The following FSD1L variants were observed in gnomAD, a reference collection of about 807,000 sequenced individuals.
The protein encoded by FSD1L is fibronectin type III and SPRY domain containing 1 like.
Under a neutral mutation model 71.6 loss-of-function variants are expected in FSD1L, and 45 were observed. That is an observed-to-expected ratio of 0.63 (90% confidence interval 0.49 to 0.81). The LOEUF is 0.81. Among genes scored for constraint, FSD1L ranks in the 30% least tolerant of loss-of-function variants. FSD1L has a pLI of 0.00. For synonymous variants in FSD1L, 197 were observed against 207.2 expected, an observed-to-expected ratio of 0.95 and a Z score of 0.42; for missense variants, 561 against 618.1, an observed-to-expected ratio of 0.91 and a Z score of 0.98.
chr9:105,523,728 A>G, intron 10 of FSD1L: 1 of 1,595,750 alleles, frequency 6.3e-7, no homozygotes, highest in Non-Finnish European at 8.6e-7. Flanking sequence ...AATGAAAAGA[A>G]GACAAGATGT....
chr9:105,533,023 T>C lies in FSD1L; in HGVS notation c.1026-1470T>C, dbSNP rs150252619. On this transcript the variant is annotated intron_variant, in intron 10 of 13. Transcript: ENST00000481272. Reference sequence around the variant, plus strand: ...GCCATCAGGGATTTCTAGTCTAGTATTGGTAGCTTATATTAAAATCTACTC... The same window carrying C: ...GCCATCAGGGATTTCTAGTCTAGTACTGGTAGCTTATATTAAAATCTACTC... Among the ~76,000 whole-genome samples, 1,215 of 152,320 alleles carry C rather than the reference T, an allele frequency of 8.0e-3. 11 individuals carry two copies. The highest frequency in any genetic ancestry group is 0.02 in the Middle Eastern group (6 of 294).
At chr9:105,545,171 T>C (rs1836907020) in intron 13 of FSD1L, among the ~76,000 whole-genome samples, 1 of 150,722 alleles carries the variant, frequency 6.6e-6, no homozygotes, top group South Asian at 2.1e-4. Flanking sequence ...TCCTAGGTAT[T>C]TTATTCTCTT....
intron 10 of FSD1L, among the ~76,000 whole-genome samples, chr9:105,533,964 C>T (rs1836096971): frequency 6.6e-6 from 1 of 152,048 alleles, no homozygotes; most frequent in Non-Finnish European, 1.5e-5. Context: ...CTCAGGTGAT[C>T]CTCCTGCCTT....
At chr9:105,479,311 G>A in intron 5 of FSD1L, 43 bp from the exon 6 acceptor site, 1 of 1,544,484 alleles carries the variant, frequency 6.5e-7, no homozygotes, top group Non-Finnish European at 8.8e-7. Context: ...TGCATGAAAA[G>A]CACTAACTTG....
At chr9:105,449,253 T>C (rs978632469) in intron 1 of FSD1L, among the ~76,000 whole-genome samples, 6 of 152,244 alleles carry the variant, frequency 3.9e-5, no homozygotes, top group African/African-American at 7.2e-5. Flanking sequence ...TAATGATGTG[T>C]TGAGCATTGA....
At chr9:105,488,022 C>T (rs1002293632) in intron 7 of FSD1L, among the ~76,000 whole-genome samples, 4 of 152,178 alleles carry the variant, frequency 2.6e-5, no homozygotes, top group African/African-American at 9.7e-5. Context: ...TACACTGACA[C>T]ATCATTATCA....
rs1363214176 is a variant in FSD1L at position 105,547,108 on chromosome 9, C to G, written c.*625C>G. The G allele has an allele frequency of 6.6e-6, 1 of 152,134 alleles. No homozygotes were observed. Among genetic ancestry groups the G allele is most frequent in the Non-Finnish European group, 1.5e-5 (1 of 67,938 alleles). The allele number at this position is 152,134 out of a possible 1,614,324, so 9.4% of individuals were successfully genotyped here. A position where few individuals can be genotyped will look rare whatever the true frequency, so the allele number is the denominator to read the frequency against. ...GATAAGAAATTTCTAGACACAACAGCTTAAAATCACCCAAATTTCAGTTCT... is the reference window on the plus strand; with the variant it reads ...GATAAGAAATTTCTAGACACAACAGGTTAAAATCACCCAAATTTCAGTTCT... On this transcript the variant is annotated 3_prime_UTR_variant, in exon 14 of 14. Transcript: ENST00000481272.
chr9:105,515,472 A>G (rs776347939), intron 10 of FSD1L, among the ~76,000 whole-genome samples: 11 of 152,148 alleles, frequency 7.2e-5, no homozygotes, highest in Non-Finnish European at 1.3e-4. Context: ...TGCATTTCCA[A>G]CTGGGGTACC....
At chr9:105,542,128 T>C (rs1403337183) in intron 13 of FSD1L, among the ~76,000 whole-genome samples, 1 of 152,200 alleles carries the variant, frequency 6.6e-6, no homozygotes, top group Non-Finnish European at 1.5e-5. Context: ...AGAGCAGTAA[T>C]AGAGTAGCTG....
At chr9:105,453,701 TAGAA>T (rs1414421407) in intron 1 of FSD1L, among the ~76,000 whole-genome samples, 3 of 152,150 alleles carry the variant, frequency 2.0e-5, no homozygotes, top group South Asian at 2.1e-4. Context: ...TTTTAAAAAT[TAGAA>T]AGATAGTGAA....
intron 4 of FSD1L, among the ~76,000 whole-genome samples, chr9:105,469,168 C>G (rs1244225642): frequency 6.6e-6 from 1 of 152,138 alleles, no homozygotes; most frequent in African/African-American, 2.4e-5. Context: ...ATTTATATGT[C>G]TACGGACATT....
intron 7 of FSD1L, among the ~76,000 whole-genome samples, chr9:105,490,031 G>C (rs1296292094): frequency 6.6e-6 from 1 of 152,124 alleles, no homozygotes; most frequent in Non-Finnish European, 1.5e-5. Context: ...GTAATGGGAT[G>C]GCTGGGTCAA....
intron 7 of FSD1L, among the ~76,000 whole-genome samples, chr9:105,496,044 T>C (rs1833374906): frequency 6.6e-6 from 1 of 151,996 alleles, no homozygotes; most frequent in Non-Finnish European, 1.5e-5. Flanking sequence ...TGTCTCCCTG[T>C]CTGGCTTTTT....
At chr9:105,496,070 T>A (rs1350374930) in intron 7 of FSD1L, among the ~76,000 whole-genome samples, 1 of 152,116 alleles carries the variant, frequency 6.6e-6, no homozygotes, top group Non-Finnish European at 1.5e-5. Flanking sequence ...CTTGACGATG[T>A]CTTTTACAGA....
chr9:105,489,418 G>A (rs1374808405), intron 7 of FSD1L, among the ~76,000 whole-genome samples: 2 of 152,060 alleles, frequency 1.3e-5, no homozygotes, highest in Non-Finnish European at 2.9e-5. Context: ...ATGTTTGGAA[G>A]AGCTAAAAAT....
intron 13 of FSD1L, among the ~76,000 whole-genome samples, chr9:105,544,809 A>G (rs1357209711): frequency 6.6e-6 from 1 of 152,186 alleles, no homozygotes; most frequent in Admixed American, 6.5e-5. Context: ...TACCAGTACC[A>G]TGCTGTTTTG....
At chr9:105,495,358 G>T (rs1414826798) in intron 7 of FSD1L, among the ~76,000 whole-genome samples, 3 of 152,186 alleles carry the variant, frequency 2.0e-5, no homozygotes, top group Non-Finnish European at 4.4e-5. Flanking sequence ...TCGGAAAAGT[G>T]CAGTATTGGG....
At position 105,550,607 on chromosome 9, in the gene FSD1L, G is replaced by A. The variant is rs1052747204; in HGVS notation, c.*4124G>A. 3 of 151,994 alleles carry A rather than the reference G, an allele frequency of 2.0e-5. No individual in the cohort carries two copies. The highest frequency in any genetic ancestry group is 7.2e-5 in the African/African-American group (3 of 41,406). The allele number at this position is 151,994 out of a possible 1,614,324, so 9.4% of individuals were successfully genotyped here. On this transcript the variant is annotated 3_prime_UTR_variant, in exon 14 of 14. Coordinates refer to ENST00000481272, the MANE Select transcript of FSD1L (RefSeq NM_001145313.3). ...ACATATAATAGCTTTGTTACCTGGA[G>A]TATTTGATTAACCTAAACAGTTTAA...
At chr9:105,508,322 C>T (rs1205652858) in intron 8 of FSD1L, among the ~76,000 whole-genome samples, 1 of 151,820 alleles carries the variant, frequency 6.6e-6, no homozygotes, top group African/African-American at 2.4e-5. Context: ...GGACTACAGG[C>T]GCCCGCCACC....
Sources: allele counts gnomAD v4.1 joint callset (sites outside exome capture counted in the v4.1 genomes callset), GRCh38; gene constraint gnomAD v4.1.1; transcripts MANE v1.5; gene names NCBI Gene and HGNC (gene_info 2026-07-23, HGNC 2026-07-21).